Variants in SPAG16 observed in about 807,000 individuals in gnomAD.
SPAG16 encodes sperm associated antigen 16.
A neutral mutation model predicts 80.4 loss-of-function variants in SPAG16; 86 were observed. The observed-to-expected ratio is 1.07, with a 90% CI of 0.90 to 1.28. SPAG16 has a LOEUF of 1.28. Ranked by LOEUF, SPAG16 falls within the 50% of genes most tolerant of loss-of-function variation. The pLI is 0.00. For missense variants in SPAG16, 870 were observed against 765.3 expected, an observed-to-expected ratio of 1.14 and a Z score of -1.61; for synonymous variants, 294 against 265.9, an observed-to-expected ratio of 1.11 and a Z score of -1.03.
intron 10 of SPAG16, among the ~76,000 whole-genome samples, chr2:213,511,127 T>C (rs1245789363): frequency 6.6e-6 from 1 of 151,594 alleles, no homozygotes; most frequent in African/African-American, 2.4e-5. Flanking sequence ...TTTTTAATAA[T>C]TATCTCTTTC....
intron 10 of SPAG16, among the ~76,000 whole-genome samples, chr2:213,563,880 C>T (rs1421125802): frequency 1.3e-5 from 2 of 152,080 alleles, no homozygotes; most frequent in African/African-American, 4.8e-5. Flanking sequence ...ATTTCTACAC[C>T]CTGAATGAGT....
At chr2:214,227,702 ATGTGTGTGTGTGTGTG>A (rs3044944) in intron 15 of SPAG16, among the ~76,000 whole-genome samples, 7 of 145,768 alleles carry the variant, frequency 4.8e-5, no homozygotes, top group Middle Eastern at 3.5e-3. Flanking sequence ...TGGAAGGTGT[ATGTGTGTGTGTGTGTG>A]TGTGTGTGTG....
intron 10 of SPAG16, among the ~76,000 whole-genome samples, chr2:213,805,647 T>C (rs1485373592): frequency 6.6e-6 from 1 of 152,178 alleles, no homozygotes; most frequent in Admixed American, 6.5e-5. Context: ...ATTCATCTTT[T>C]GGGCAGAGAA....
chr2:214,382,118 A>C (rs1700483221), intron 15 of SPAG16, among the ~76,000 whole-genome samples: 2 of 152,270 alleles, frequency 1.3e-5, no homozygotes, highest in African/African-American at 2.4e-5. Flanking sequence ...ACCAGAGTCA[A>C]TGCTGTGTGA....
intron 15 of SPAG16, among the ~76,000 whole-genome samples, chr2:214,386,284 G>A (rs1700746206): frequency 6.6e-6 from 1 of 152,134 alleles, no homozygotes. Context: ...TTGGGAGGCT[G>A]AGGTGGTGGG....
At chr2:213,919,740 G>A (rs1326342153) in intron 11 of SPAG16, among the ~76,000 whole-genome samples, 1 of 152,188 alleles carries the variant, frequency 6.6e-6, no homozygotes, top group African/African-American at 2.4e-5. Context: ...GTATGTGCAT[G>A]TGGCAATGAG....
At chr2:213,443,856 T>C (rs1347179410) in intron 9 of SPAG16, among the ~76,000 whole-genome samples, 1 of 152,182 alleles carries the variant, frequency 6.6e-6, no homozygotes, top group Non-Finnish European at 1.5e-5. Flanking sequence ...GATTTACCAC[T>C]GGAGCAAGCT....
At chr2:213,346,593 G>A (rs1304492287) in intron 6 of SPAG16, among the ~76,000 whole-genome samples, 1 of 152,120 alleles carries the variant, frequency 6.6e-6, no homozygotes, top group Admixed American at 6.6e-5. Flanking sequence ...TAGCATGAAG[G>A]TTGTTCAATT....
chr2:213,891,686 C>T (rs1401270626), intron 11 of SPAG16, among the ~76,000 whole-genome samples: 1 of 152,008 alleles, frequency 6.6e-6, no homozygotes, highest in Non-Finnish European at 1.5e-5. Context: ...AGATTATCAC[C>T]AGAAATATCC....
intron 10 of SPAG16, among the ~76,000 whole-genome samples, chr2:213,635,892 CTG>C (rs1291907976): frequency 6.6e-6 from 1 of 152,166 alleles, no homozygotes; most frequent in Non-Finnish European, 1.5e-5. Context: ...TTCTTCCACT[CTG>C]TGGGTTGTCT....
intron 13 of SPAG16, among the ~76,000 whole-genome samples, chr2:214,074,253 C>T (rs1236737573): frequency 6.6e-6 from 1 of 152,148 alleles, no homozygotes; most frequent in African/African-American, 2.4e-5. Context: ...TCATGAACCA[C>T]TAAGTCTATG....
At chr2:213,415,066 C>CA (rs2069175941) in intron 9 of SPAG16, among the ~76,000 whole-genome samples, 1 of 152,226 alleles carries the variant, frequency 6.6e-6, no homozygotes, top group Non-Finnish European at 1.5e-5. Flanking sequence ...GTCCCTCCCA[C>CA]AACACGTGGG....
chr2:214,325,701 G>A (rs1696423217), intron 15 of SPAG16, among the ~76,000 whole-genome samples: 1 of 141,624 alleles, frequency 7.1e-6, no homozygotes, highest in Non-Finnish European at 1.5e-5. Flanking sequence ...ATTATTTCCA[G>A]ACTATTCCTT....
chr2:213,665,967 A>G (rs2063585455), intron 10 of SPAG16, among the ~76,000 whole-genome samples: 1 of 152,160 alleles, frequency 6.6e-6, no homozygotes, highest in South Asian at 2.1e-4. Flanking sequence ...CTTATTTACA[A>G]TGTGAGAGTT....
chr2:213,405,402 A>G (rs1340763396), intron 9 of SPAG16, among the ~76,000 whole-genome samples: 2 of 152,226 alleles, frequency 1.3e-5, no homozygotes, highest in East Asian at 1.9e-4. Flanking sequence ...TGATATAAAC[A>G]TACAATGTGT....
chr2:214,089,098 C>T (rs896921725), intron 13 of SPAG16, among the ~76,000 whole-genome samples: 1 of 152,006 alleles, frequency 6.6e-6, no homozygotes, highest in Non-Finnish European at 1.5e-5. Context: ...TTCTCAAACA[C>T]TTCGACTGTA....
chr2:213,577,701 A>G (rs1179711182), intron 10 of SPAG16, among the ~76,000 whole-genome samples: 1 of 152,060 alleles, frequency 6.6e-6, no homozygotes, highest in Non-Finnish European at 1.5e-5. Flanking sequence ...CTTTATCTTT[A>G]TTTTATTCAA....
At chr2:213,547,716 TACCATACTCC>T (rs1412112485) in intron 10 of SPAG16, among the ~76,000 whole-genome samples, 1 of 152,200 alleles carries the variant, frequency 6.6e-6, no homozygotes, top group African/African-American at 2.4e-5. Context: ...TCCACCCAGG[TACCATACTCC>T]ACCTGCAAGT....
intron 10 of SPAG16, among the ~76,000 whole-genome samples, chr2:213,540,384 A>G (rs1417869121): frequency 6.6e-6 from 1 of 152,052 alleles, no homozygotes; most frequent in Non-Finnish European, 1.5e-5. Context: ...CTGAATCTTT[A>G]TATTACACAA....
Sources: allele counts gnomAD v4.1 joint callset (sites outside exome capture counted in the v4.1 genomes callset), GRCh38; gene constraint gnomAD v4.1.1; transcripts MANE v1.5; gene names NCBI Gene and HGNC (gene_info 2026-07-23, HGNC 2026-07-21).